Variants in NOL4 observed in about 807,000 individuals in gnomAD.
NOL4 encodes the protein nucleolar protein 4.
A neutral mutation model predicts 75.9 loss-of-function variants in NOL4; 17 were observed. That is an observed-to-expected ratio of 0.22 (90% CI 0.15 to 0.34). NOL4 has a LOEUF of 0.34. Ranked by LOEUF, NOL4 falls within the 10% of genes least tolerant of loss-of-function variation. NOL4 has a pLI of 1.00. For missense variants in NOL4, 614 were observed against 793.5 expected, an observed-to-expected ratio of 0.77 and a Z score of 2.72; for synonymous variants, 292 against 289.9, an observed-to-expected ratio of 1.01 and a Z score of -0.07.
chr18:34,214,354 T>C (rs992293096), intron 1 of NOL4, among the ~76,000 whole-genome samples: 4 of 152,194 alleles, frequency 2.6e-5, no homozygotes, highest in Non-Finnish European at 5.9e-5. Flanking sequence ...TATATAGATG[T>C]AGTTTATAAA....
intron 9 of NOL4, among the ~76,000 whole-genome samples, chr18:33,917,412 G>A (rs1216233406): frequency 6.6e-6 from 1 of 152,074 alleles, no homozygotes; most frequent in Non-Finnish European, 1.5e-5. Context: ...AAAGCTTTTT[G>A]AGTAGTGTAA....
intron 5 of NOL4, among the ~76,000 whole-genome samples, chr18:34,077,525 C>T (rs1418090336): frequency 6.6e-6 from 1 of 151,896 alleles, no homozygotes; most frequent in Non-Finnish European, 1.5e-5. Flanking sequence ...ATTTAAAGTA[C>T]TTAATTCCCA....
At chr18:33,947,148 CGA>C (rs1486816444) in intron 8 of NOL4, among the ~76,000 whole-genome samples, 4 of 151,688 alleles carry the variant, frequency 2.6e-5, no homozygotes, top group Non-Finnish European at 5.9e-5. Flanking sequence ...GTACTAATAT[CGA>C]GAGAGTGAGA....
rs199652135 is a variant in NOL4, at chr18:33,879,783, CT to C, written c.1723+3460del. 2.8e-3 allele frequency among the ~76,000 whole-genome samples: 409 copies of C among 147,118 alleles called. 1 individual carries two copies. The highest frequency in any genetic ancestry group is 4.1e-3 in the Non-Finnish European group (273 of 66,434). ...TATTGCTGGGCACTTTTATTGGCAA[CT>C]TTTTTTTTTTGCATTTATAAATGAC... On this transcript the variant is annotated intron_variant, in intron 10 of 10. Coordinates refer to ENST00000261592, the MANE Select transcript of NOL4 (RefSeq NM_003787.5).
intron 1 of NOL4, among the ~76,000 whole-genome samples, chr18:34,208,463 C>A (rs2036276751): frequency 6.6e-6 from 1 of 151,956 alleles, no homozygotes; most frequent in Non-Finnish European, 1.5e-5. Context: ...AAAAAACTCT[C>A]AGAATCTTAC....
intron 1 of NOL4, among the ~76,000 whole-genome samples, chr18:34,167,557 T>TAGATAGATAGATAGAC (rs1470014060): frequency 4.0e-5 from 6 of 151,250 alleles, no homozygotes; most frequent in Admixed American, 1.3e-4. Flanking sequence ...GATAGATAGA[T>TAGATAGATAGATAGAC]AGATAGACAG....
intron 9 of NOL4, among the ~76,000 whole-genome samples, chr18:33,911,385 C>A (rs923698420): frequency 6.6e-5 from 10 of 152,030 alleles, no homozygotes; most frequent in African/African-American, 2.4e-4. Context: ...CAGATGCTCA[C>A]CCTCCTAAAT....
intron 1 of NOL4, among the ~76,000 whole-genome samples, chr18:34,185,276 T>C (rs1008533387): frequency 6.6e-6 from 1 of 152,150 alleles, no homozygotes; most frequent in African/African-American, 2.4e-5. Flanking sequence ...ACAAGACTTC[T>C]AATCAGAAAT....
chr18:34,119,766 C>A (rs930277093), intron 2 of NOL4, among the ~76,000 whole-genome samples: 11 of 152,154 alleles, frequency 7.2e-5, no homozygotes, highest in South Asian at 6.2e-4. Flanking sequence ...GGACTACAGG[C>A]GCCCGCCACC....
rs572919353 is a variant in NOL4, at chr18:33,914,744, T to A, written c.1542+28321A>T. 3.3e-5 allele frequency among the ~76,000 whole-genome samples: 5 copies of A among 152,212 alleles called. No homozygotes were observed. The East Asian group carries it at 9.7e-4, about 29-fold the overall frequency. On this transcript the variant is annotated intron_variant, in intron 9 of 10. Coordinates refer to ENST00000261592, the MANE Select transcript of NOL4 (RefSeq NM_003787.5). Reference sequence around the variant, plus strand: ...AACTCAATGGTAACCCCAAGGATTCTGGTCAGGCCAACTGTAAGAATGAAG... The same window carrying A: ...AACTCAATGGTAACCCCAAGGATTCAGGTCAGGCCAACTGTAAGAATGAAG...
At position 34,159,482 on chromosome 18, in the gene NOL4, T is replaced by TGCC. The variant is rs895942319; in HGVS notation, c.265-29465_265-29463dup. Reference sequence around the variant, plus strand: ...CGCGGGCCTGACCCTGATCCGTGGATGCCGCCGCCGCCTTCTCCTCCCCTG... The same window carrying TGCC: ...CGCGGGCCTGACCCTGATCCGTGGATGCCGCCGCCGCCGCCTTCTCCTCCCCTG... On this transcript the variant is annotated intron_variant, in intron 1 of 10. Coordinates refer to ENST00000261592, the MANE Select transcript of NOL4 (RefSeq NM_003787.5). 9.2e-5 allele frequency among the ~76,000 whole-genome samples: 14 copies of TGCC among 152,146 alleles called. 1 individual carries two copies. Among genetic ancestry groups the TGCC allele is most frequent in the African/African-American group, 3.1e-4 (13 of 41,516 alleles).
chr18:34,218,543 C>T (rs938713151), intron 1 of NOL4, among the ~76,000 whole-genome samples: 4 of 152,198 alleles, frequency 2.6e-5, no homozygotes, highest in African/African-American at 4.8e-5. Flanking sequence ...CTGTTCCCTG[C>T]GAGCTGACCT....
intron 6 of NOL4, among the ~76,000 whole-genome samples, chr18:34,007,066 T>A (rs2146287357): frequency 6.6e-6 from 1 of 152,048 alleles, no homozygotes; most frequent in East Asian, 1.9e-4. Context: ...GGGAGATAAA[T>A]GCTTCCACCA....
chr18:34,056,313 T>C (rs1221719782), intron 5 of NOL4, among the ~76,000 whole-genome samples: 1 of 152,200 alleles, frequency 6.6e-6, no homozygotes, highest in Non-Finnish European at 1.5e-5. Flanking sequence ...AGCCTAGCTA[T>C]ATGTTTGGGA....
intron 6 of NOL4, among the ~76,000 whole-genome samples, chr18:33,994,232 A>C (rs2073118500): frequency 6.6e-6 from 1 of 151,928 alleles, no homozygotes. Flanking sequence ...CACTTCCTGG[A>C]ATAGATAGAA....
intron 6 of NOL4, among the ~76,000 whole-genome samples, chr18:33,992,129 A>G (rs528922709): frequency 5.3e-5 from 8 of 152,092 alleles, no homozygotes; most frequent in Admixed American, 5.3e-4. Context: ...TGATCTACTT[A>G]ACCTGAAATT....
At chr18:33,854,035 A>C (rs763205530) in intron 10 of NOL4, among the ~76,000 whole-genome samples, 9 of 152,152 alleles carry the variant, frequency 5.9e-5, no homozygotes, top group Non-Finnish European at 1.2e-4. Flanking sequence ...TATTAAATTT[A>C]AATCCTTGAA....
rs190557368 is a variant in NOL4 at position 34,192,534 on chromosome 18, T to C, written c.264+30456A>G. 3.9e-5 allele frequency among the ~76,000 whole-genome samples: 6 copies of C among 152,258 alleles called. No individual in the cohort carries two copies. In the East Asian group the frequency reaches 1.2e-3, roughly 29 times the overall value. ...AGACACACAGACCAACAGAGCAGAA[T>C]AGATAACCCAAAAGTAAATTCACAC... On this transcript the variant is annotated intron_variant, in intron 1 of 10. Coordinates refer to ENST00000261592, the MANE Select transcript of NOL4 (RefSeq NM_003787.5).
At chr18:33,883,892 G>T (rs889433420) in intron 9 of NOL4, among the ~76,000 whole-genome samples, 1 of 152,072 alleles carries the variant, frequency 6.6e-6, no homozygotes, top group Non-Finnish European at 1.5e-5. Context: ...CACTTATAAG[G>T]TATCAAAAGT....
Sources: allele counts gnomAD v4.1 joint callset (sites outside exome capture counted in the v4.1 genomes callset), GRCh38; gene constraint gnomAD v4.1.1; transcripts MANE v1.5; gene names NCBI Gene and HGNC (gene_info 2026-07-23, HGNC 2026-07-21).